ALOX5: variants seen among roughly 807,000 people sequenced by gnomAD.
The protein encoded by ALOX5 is arachidonate 5-lipoxygenase.
ALOX5 carries 64 observed loss-of-function variants against 87.9 expected under a neutral mutation model. The observed-to-expected ratio is 0.73, with a 90% confidence interval of 0.60 to 0.90. ALOX5 has a LOEUF of 0.90. ALOX5 is among the 40% of genes least tolerant of loss of function. ALOX5 has a pLI of 0.00. For synonymous variants in ALOX5, 388 were observed against 355.1 expected, an observed-to-expected ratio of 1.09 and a Z score of -1.04; for missense variants, 822 against 907.5, an observed-to-expected ratio of 0.91 and a Z score of 1.21.
chr10:45,427,991 C>G (rs976305743), intron 6 of ALOX5, among the ~76,000 whole-genome samples: 2 of 151,948 alleles, frequency 1.3e-5, no homozygotes, highest in Admixed American at 6.6e-5. Context: ...CCAGCCACTG[C>G]AGACCCTTCC....
intron 4 of ALOX5, among the ~76,000 whole-genome samples, chr10:45,417,679 C>A (rs988475340): frequency 6.6e-6 from 1 of 152,190 alleles, no homozygotes; most frequent in African/African-American, 2.4e-5. Flanking sequence ...CAGGTGAGAG[C>A]CCAGATGTCT....
intron 9 of ALOX5, chr10:45,442,733 C>A (rs1342444401): frequency 2.6e-6 from 1 of 387,780 alleles, no homozygotes; most frequent in Admixed American, 4.3e-5. Flanking sequence ...TGCTGGGGTC[C>A]CCCACACACC....
chr10:45,391,373 A>G (rs889307036), intron 2 of ALOX5, among the ~76,000 whole-genome samples: 12 of 152,270 alleles, frequency 7.9e-5, no homozygotes, highest in African/African-American at 2.9e-4. Flanking sequence ...GGGATTGCAG[A>G]CGGAGTCTCA....
At position 45,445,809 on chromosome 10, in the gene ALOX5, T is replaced by C; in HGVS notation, c.*122T>C. 9.4e-7 allele frequency: 1 copy of C among 1,068,140 alleles called. No homozygotes were observed. Among genetic ancestry groups the C allele is most frequent in the South Asian group, 1.5e-5 (1 of 65,338 alleles). The allele number at this position is 1,068,140 out of a possible 1,614,324, so 66.2% of individuals were successfully genotyped here. On this transcript the variant is annotated 3_prime_UTR_variant, in exon 14 of 14. Transcript: ENST00000374391. ...CATCTCTTCCTCCGAGGCCAGTACCTTTCCATTTATTCTTTGATCTTCAGG... is the reference window on the plus strand; with the variant it reads ...CATCTCTTCCTCCGAGGCCAGTACCCTTCCATTTATTCTTTGATCTTCAGG...
At chr10:45,394,657 A>C (rs1443201493) in intron 2 of ALOX5, among the ~76,000 whole-genome samples, 2 of 152,224 alleles carry the variant, frequency 1.3e-5, no homozygotes, top group African/African-American at 4.8e-5. Flanking sequence ...CTACCATCAG[A>C]GTGAACAGGC....
chr10:45,407,439 G>A (rs551867257), intron 3 of ALOX5, among the ~76,000 whole-genome samples: 2 of 150,658 alleles, frequency 1.3e-5, no homozygotes, highest in Non-Finnish European at 2.9e-5. Flanking sequence ...GAAAAATGAC[G>A]AGACAAGTCT....
chr10:45,376,618 C>T (rs934121072), intron 1 of ALOX5, among the ~76,000 whole-genome samples: 1 of 152,176 alleles, frequency 6.6e-6, no homozygotes, highest in African/African-American at 2.4e-5. Flanking sequence ...GTATTGTTAA[C>T]AGTAGTAACG....
At position 45,405,739 on chromosome 10, in the gene ALOX5, C is replaced by CT. The variant is rs11463810; in HGVS notation, c.432-6437dup. Reference sequence around the variant, plus strand: ...GAGTTTAGAGCTTTCATTCATCTACCTTTTTTTTTTTTTTTGAGACAGAGT... The same window carrying CT: ...GAGTTTAGAGCTTTCATTCATCTACCTTTTTTTTTTTTTTTTGAGACAGAGT... On this transcript the variant is annotated intron_variant, in intron 3 of 13. Transcript: ENST00000374391. Among the ~76,000 whole-genome samples the CT allele has an allele frequency of 8.9e-3, 1,247 of 139,364 alleles. 14 individuals carry two copies. Among genetic ancestry groups the CT allele is most frequent in the South Asian group, 0.076 (336 of 4,416 alleles). The allele number at this position is 139,364 out of a possible 152,430, so 91.4% of individuals were successfully genotyped here. A position where few individuals can be genotyped will look rare whatever the true frequency, so the allele number is the denominator to read the frequency against.
intron 2 of ALOX5, among the ~76,000 whole-genome samples, chr10:45,391,015 TCCCATCTC>T (rs1564416284): frequency 7.9e-5 from 5 of 63,282 alleles, no homozygotes; most frequent in African/African-American, 1.4e-4. Flanking sequence ...CTCTCTCCTC[TCCCATCTC>T]CCCTCTCCCC....
chr10:45,420,933 TG>T (rs930551902), intron 4 of ALOX5, among the ~76,000 whole-genome samples: 46 of 151,118 alleles, frequency 3.0e-4, no homozygotes, highest in African/African-American at 1.0e-3. Context: ...GGGCGAGGGG[TG>T]GGGGGCTCAC....
intron 2 of ALOX5, among the ~76,000 whole-genome samples, chr10:45,393,222 G>A (rs573836689): frequency 1.1e-4 from 16 of 152,220 alleles, no homozygotes; most frequent in South Asian, 2.1e-4. Flanking sequence ...CTGGCAAACC[G>A]AATCCAGCAG....
intron 8 of ALOX5, among the ~76,000 whole-genome samples, 188 bp downstream of exon 8, chr10:45,440,821 G>C (rs1270100385): frequency 6.6e-6 from 1 of 152,212 alleles, no homozygotes; most frequent in East Asian, 1.9e-4. Context: ...CTGTTCCCCA[G>C]GACACGCGGC....
chr10:45,402,842 A>C (rs1463658229), intron 3 of ALOX5, among the ~76,000 whole-genome samples: 1 of 152,246 alleles, frequency 6.6e-6, no homozygotes, highest in Non-Finnish European at 1.5e-5. Context: ...ATGGGCAAGA[A>C]GTTTGAGTAC....
At position 45,443,777 on chromosome 10, in the gene ALOX5, C is replaced by G. The variant is rs375279868; in HGVS notation, c.1623C>G (p.Thr541=). 3.0e-5 allele frequency: 48 copies of G among 1,612,258 alleles called. No homozygotes were observed. Among genetic ancestry groups the G allele is most frequent in the Non-Finnish European group, 4.1e-5 (48 of 1,179,438 alleles). ...GGGAGCAGCTGTCGGAGTACCTGAC[C>G]GTGGTGATCTTCACCGCCTCCGCCC... The part of the protein sequence containing the change: ...KSREQLSEYL[T]VVIFTASAQH... Residue 541 remains threonine, a synonymous_variant, in exon 12 of 14, where the codon ACC becomes ACG. Coordinates refer to ENST00000374391, the MANE Select transcript of ALOX5 (RefSeq NM_000698.5).
At chr10:45,374,478 G>T in intron 1 of ALOX5, 49 bp downstream of exon 1, 1 of 1,455,056 alleles carries the variant, frequency 6.9e-7, no homozygotes, top group Non-Finnish European at 9.1e-7. Flanking sequence ...GTGCGTCCGG[G>T]ACCCGGTTTG....
At chr10:45,432,030 G>A (rs35489926) in intron 7 of ALOX5, among the ~76,000 whole-genome samples, 1 of 148,542 alleles carries the variant, frequency 6.7e-6, no homozygotes, top group Admixed American at 6.6e-5. Context: ...TTTCTTGGTG[G>A]GGGTGTGGTG....
chr10:45,444,292 G>A lies in ALOX5; in HGVS notation c.1845+6G>A, dbSNP rs773126441. ...GCCAGTTCCAGGAAAACGAGGTGAAGCTGGGCAGGGCGGGGCACAGCCCCA... is the reference window on the plus strand; with the variant it reads ...GCCAGTTCCAGGAAAACGAGGTGAAACTGGGCAGGGCGGGGCACAGCCCCA... On this transcript the variant is annotated splice_donor_region_variant and intron_variant, in intron 13 of 13. Coordinates refer to ENST00000374391, the MANE Select transcript of ALOX5 (RefSeq NM_000698.5). 2.6e-6 allele frequency: 4 copies of A among 1,549,246 alleles called. No individual in the cohort carries two copies. The African/African-American group carries it at 4.1e-5, about 16-fold the overall frequency.
At position 45,424,136 on chromosome 10, in the gene ALOX5, A is replaced by G. The variant is rs764836044; in HGVS notation, c.650A>G (p.Asn217Ser). ...GAGAAAATCTTTGTCAAGATCAGCA[A>G]CACTATTTCTGGTGAGTGTGCCTCT... ...DFEKIFVKIS[N>S]TISERVMNHW... The change falls in exon 5 of 14, where the codon AAC becomes AGC. Residue 217 changes from asparagine to serine, a missense_variant. Transcript: ENST00000374391. The G allele has an allele frequency of 8.1e-6, 13 of 1,613,434 alleles. No individual in the cohort carries two copies. The highest frequency in any genetic ancestry group is 5.5e-5 in the South Asian group (5 of 91,070).
At chr10:45,407,760 T>C (rs1840935287) in intron 3 of ALOX5, among the ~76,000 whole-genome samples, 1 of 152,184 alleles carries the variant, frequency 6.6e-6, no homozygotes, top group African/African-American at 2.4e-5. Context: ...CAATCAGATA[T>C]GCATTTGTAT....
Sources: allele counts gnomAD v4.1 joint callset (sites outside exome capture counted in the v4.1 genomes callset), GRCh38; gene constraint gnomAD v4.1.1; transcripts MANE v1.5; gene names NCBI Gene and HGNC (gene_info 2026-07-23, HGNC 2026-07-21).